The following KLRG1 variants were observed in gnomAD, a reference collection of about 807,000 sequenced individuals.
KLRG1 encodes the protein killer cell lectin like receptor G1.
Under a neutral mutation model 21.8 loss-of-function variants are expected in KLRG1, and 16 were observed. That is an observed-to-expected ratio of 0.73 (90% CI 0.50 to 1.11). The LOEUF (loss-of-function observed/expected upper bound fraction) is 1.11, where lower values mean the gene tolerates loss of function less well. KLRG1 is among the 50% of genes most tolerant of loss of function. KLRG1 has a pLI of 0.00. For synonymous variants in KLRG1, 69 were observed against 75.9 expected (o/e 0.91, Z 0.47); for missense variants, 173 against 218.3 (o/e 0.79, Z 1.31).
the KLRG1 span, among the ~76,000 whole-genome samples, chr12:9,085,632 C>T: frequency 6.6e-6 from 1 of 151,564 alleles, no homozygotes; most frequent in African/African-American, 2.4e-5. Context: ...TCAAAATTGG[C>T]AGAAGAAAGG....
At chr12:8,971,066 A>AT (rs1946559086) in intron 1 of KLRG1, 1 of 152,148 alleles carries the variant, frequency 6.6e-6, no homozygotes, top group East Asian at 1.9e-4. Context: ...TTTTCTTGCA[A>AT]TTTTTTGTCA....
At chr12:9,032,043 G>A in the KLRG1 span, among the ~76,000 whole-genome samples, 85 of 152,236 alleles carry the variant, frequency 5.6e-4, no homozygotes, top group East Asian at 0.012. Flanking sequence ...ACAGACACAC[G>A]CAGAAGTAAT....
At chr12:8,952,442 T>C (rs1479644854) in intron 1 of KLRG1, among the ~76,000 whole-genome samples, 2 of 152,220 alleles carry the variant, frequency 1.3e-5, no homozygotes, top group Non-Finnish European at 2.9e-5. Context: ...TCTGCCTGCC[T>C]CAGCCTCCCA....
intron 1 of KLRG1, among the ~76,000 whole-genome samples, chr12:8,975,527 TTTTA>T (rs1458717169): frequency 2.6e-5 from 4 of 152,150 alleles, no homozygotes; most frequent in African/African-American, 9.6e-5. Context: ...TCATTTTTTA[TTTTA>T]TTTGTGTTTT....
chr12:8,979,834 T>C (rs1267703531), intron 1 of KLRG1, among the ~76,000 whole-genome samples: 1 of 152,182 alleles, frequency 6.6e-6, no homozygotes, highest in Non-Finnish European at 1.5e-5. Flanking sequence ...AAGTCTGCTG[T>C]TGAAGCTCTG....
chr12:8,963,571 C>T (rs1438275943), intron 1 of KLRG1, among the ~76,000 whole-genome samples: 3 of 152,194 alleles, frequency 2.0e-5, no homozygotes, highest in Non-Finnish European at 4.4e-5. Flanking sequence ...GGAGGATTCC[C>T]TCTTTTTCTG....
chr12:9,166,214 GAA>G, the KLRG1 span: 1 of 1,607,432 alleles, frequency 6.2e-7, no homozygotes, highest in Non-Finnish European at 8.5e-7. Context: ...TAAAGTAAGA[GAA>G]AATTGTCTAG....
chr12:9,060,537 C>T, the KLRG1 span, among the ~76,000 whole-genome samples: 6 of 152,090 alleles, frequency 3.9e-5, no homozygotes, highest in African/African-American at 1.4e-4. Context: ...GAGGCTGAGG[C>T]AGAAGAATTG....
At chr12:9,166,501 T>C in the KLRG1 span, among the ~76,000 whole-genome samples, 1 of 152,184 alleles carries the variant, frequency 6.6e-6, no homozygotes, top group East Asian at 1.9e-4. Context: ...AGGACCAATT[T>C]TGAAATTGAG....
the KLRG1 span, among the ~76,000 whole-genome samples, chr12:9,086,904 A>C: frequency 6.6e-6 from 1 of 152,228 alleles, no homozygotes. Context: ...ACTTCACCAA[A>C]GGGCTGCAAG....
chr12:9,104,434 G>A, the KLRG1 span: 1,030 of 1,546,694 alleles, frequency 6.7e-4, 1 homozygote, highest in Admixed American at 1.4e-3. Context: ...AGTTATATTG[G>A]TAATAACTAA....
At chr12:9,096,803 G>A in the KLRG1 span, among the ~76,000 whole-genome samples, 1 of 152,134 alleles carries the variant, frequency 6.6e-6, no homozygotes, top group Admixed American at 6.5e-5. Context: ...ATTATTGTCT[G>A]TCTCATCTAT....
the KLRG1 span, chr12:9,200,801 C>T: frequency 7.3e-7 from 1 of 1,362,816 alleles, no homozygotes; most frequent in African/African-American, 1.4e-5. Flanking sequence ...ACTGCAAGTT[C>T]AACATATCTA....
the KLRG1 span, among the ~76,000 whole-genome samples, chr12:9,045,689 A>T: frequency 1.3e-5 from 2 of 152,212 alleles, no homozygotes; most frequent in African/African-American, 4.8e-5. Context: ...AGAGAAAGAA[A>T]GAAATGCTAG....
intron 1 of KLRG1, among the ~76,000 whole-genome samples, chr12:8,953,134 G>A (rs144627189): frequency 6.7e-6 from 1 of 150,078 alleles, no homozygotes; most frequent in Non-Finnish European, 1.5e-5. Flanking sequence ...CTGAACTCTT[G>A]TCCCACATCC....
At chr12:9,090,039 A>G in the KLRG1 span, 5 of 1,582,448 alleles carry the variant, frequency 3.2e-6, no homozygotes, top group Middle Eastern at 1.7e-4. Flanking sequence ...AAAAAAGGCC[A>G]GTAGAAATGA....
chr12:8,954,107 A>T (rs1285459919), intron 1 of KLRG1, among the ~76,000 whole-genome samples: 1 of 152,138 alleles, frequency 6.6e-6, no homozygotes, highest in African/African-American at 2.4e-5. Flanking sequence ...GGCACATAAG[A>T]TGTTCCGATT....
the KLRG1 span, among the ~76,000 whole-genome samples, chr12:9,035,464 G>A: frequency 6.6e-6 from 1 of 151,992 alleles, no homozygotes; most frequent in Non-Finnish European, 1.5e-5. Context: ...GGGAGCTAGG[G>A]GGAGGGATAG....
At chr12:9,098,915 C>T in the KLRG1 span, among the ~76,000 whole-genome samples, 102 of 152,338 alleles carry the variant, frequency 6.7e-4, no homozygotes, top group Middle Eastern at 3.4e-3. Flanking sequence ...TTGTTCCCTA[C>T]ACTTCTCTTT....
Sources: gnomAD v4.1 joint callset for allele counts (sites outside exome capture counted in the v4.1 genomes callset) on GRCh38, gnomAD v4.1.1 for gene constraint, MANE v1.5 for transcripts, NCBI Gene and HGNC (gene_info 2026-07-23, HGNC 2026-07-21) for gene names.